Variants in SMURF2 observed in about 807,000 individuals in gnomAD.
The protein encoded by SMURF2 is E3 ubiquitin-protein ligase SMURF2.
SMURF2 carries 48 observed loss-of-function variants against 109.6 expected under a neutral mutation model. The observed-to-expected ratio is 0.44, with a 90% CI of 0.35 to 0.56. SMURF2 has a LOEUF of 0.56. SMURF2 is among the 20% of genes least tolerant of loss of function. The pLI, the probability that SMURF2 is intolerant of heterozygous loss-of-function variation, is 0.01. For synonymous variants in SMURF2, 288 were observed against 317.1 expected, an observed-to-expected ratio of 0.91 and a Z score of 0.97; for missense variants, 575 against 909.0, an observed-to-expected ratio of 0.63 and a Z score of 4.72.
intron 1 of SMURF2, among the ~76,000 whole-genome samples, chr17:64,611,662 C>T (rs1970046257): frequency 6.6e-6 from 1 of 152,182 alleles, no homozygotes; most frequent in Non-Finnish European, 1.5e-5. Context: ...AGTCCACCAT[C>T]TACTGTCTAG....
At chr17:64,582,779 A>T (rs1969594999) in intron 7 of SMURF2, among the ~76,000 whole-genome samples, 1 of 151,938 alleles carries the variant, frequency 6.6e-6, no homozygotes, top group South Asian at 2.1e-4. Flanking sequence ...TTGTATTTTT[A>T]GTAGAGATGG....
Position 64,580,848 on chromosome 17 carries a change from T to C in SMURF2, c.713A>G (p.His238Arg), listed in dbSNP as rs1555686496. The C allele has an allele frequency of 6.2e-7, 1 of 1,614,202 alleles. No homozygotes were observed. The highest frequency in any genetic ancestry group is 8.5e-7 in the Non-Finnish European group (1 of 1,180,026). ...LAERRVRSQR[H>R]RNYMSRTHLH... ...ATGTGTTCTGCTCATGTAATTTCTA[T>C]GTCGTTGTGACCTGACTCTCCTCTC... is the stretch of plus-strand genomic sequence containing the variant. The change falls in exon 8 of 19, where the codon CAT becomes CGT. Residue 238 changes from histidine to arginine, a missense_variant. By Grantham distance (29) the His-to-Arg change is conservative. Around this residue, in one of 5 missense-constraint regions of SMURF2, gnomAD observed 151 missense variants for 178.4 expected, o/e 0.85. Transcript: ENST00000262435.
intron 9 of SMURF2, among the ~76,000 whole-genome samples, chr17:64,575,116 T>C (rs566649857): frequency 1.4e-5 from 2 of 143,496 alleles, no homozygotes; most frequent in South Asian, 4.4e-4. Flanking sequence ...TTAGTAAGCT[T>C]AAAAAAAAAA....
rs782229819 is a variant in SMURF2 at position 64,581,003 on chromosome 17, T to C, written c.570-12A>G. The C allele has an allele frequency of 6.2e-7, 1 of 1,613,182 alleles. No homozygotes were observed. The highest frequency in any genetic ancestry group is 1.1e-5 in the South Asian group (1 of 91,052). ...ATTCGGATGCCGGTCTATTGAAAAT[T>C]AACAAGGAAAAGATGTTATCAATTT... On this transcript the variant is annotated splice_polypyrimidine_tract_variant and intron_variant, in intron 7 of 18. Coordinates refer to ENST00000262435, the MANE Select transcript of SMURF2 (RefSeq NM_022739.4). The surrounding 1 kb of genome is among the most constrained non-coding windows in gnomAD (Gnocchi z 4.3).
chr17:64,636,017 T>C (rs1970411450), intron 1 of SMURF2, among the ~76,000 whole-genome samples: 1 of 152,216 alleles, frequency 6.6e-6, no homozygotes, highest in Admixed American at 6.5e-5. Context: ...CTTCTAGTGG[T>C]CGTGAAGTAG....
At chr17:64,582,602 ATTTGT>A (rs1381938602) in intron 7 of SMURF2, among the ~76,000 whole-genome samples, 3 of 150,596 alleles carry the variant, frequency 2.0e-5, no homozygotes, top group East Asian at 3.9e-4. Context: ...ATTTTATTTT[ATTTGT>A]TTTATTTTTG....
intron 1 of SMURF2, among the ~76,000 whole-genome samples, chr17:64,619,449 G>A (rs1057342638): frequency 4.6e-5 from 6 of 131,294 alleles, no homozygotes; most frequent in Non-Finnish European, 6.1e-5. Flanking sequence ...CTGCACTCCC[G>A]CCTGGGTGAC....
intron 12 of SMURF2, among the ~76,000 whole-genome samples, chr17:64,560,164 A>G (rs573108679): frequency 2.6e-5 from 4 of 152,046 alleles, no homozygotes; most frequent in African/African-American, 9.6e-5. Flanking sequence ...GCAGTGAGCC[A>G]TGATCACACC....
At position 64,542,353 on chromosome 17, in the gene SMURF2, A is replaced by C. The variant is rs185447148; in HGVS notation, c.*3495T>G. On this transcript the variant is annotated 3_prime_UTR_variant, in exon 19 of 19. Coordinates refer to ENST00000262435, the MANE Select transcript of SMURF2 (RefSeq NM_022739.4). The stretch of plus-strand genomic sequence containing the variant: ...TATTGCTCGACTTCGGCATGGGCAC[A>C]TACATAGTTAATTTTTAAAAACCAT... The C allele has an allele frequency of 6.6e-6, 1 of 152,240 alleles. No homozygotes were observed. The highest frequency in any genetic ancestry group is 1.5e-5 in the Non-Finnish European group (1 of 68,040). The allele number at this position is 152,240 out of a possible 1,614,324, so 9.4% of individuals were successfully genotyped here. A position where few individuals can be genotyped will look rare whatever the true frequency, so the allele number is the denominator to read the frequency against.
At chr17:64,588,158 C>T (rs1387154822) in intron 5 of SMURF2, among the ~76,000 whole-genome samples, 13 of 149,942 alleles carry the variant, frequency 8.7e-5, no homozygotes, top group Admixed American at 8.6e-4. Flanking sequence ...AGTATAATCT[C>T]CTCTAAAAAA....
intron 5 of SMURF2, among the ~76,000 whole-genome samples, chr17:64,587,139 G>A (rs577424722): frequency 6.6e-6 from 1 of 152,220 alleles, no homozygotes; most frequent in African/African-American, 2.4e-5. Flanking sequence ...TTGCACCACT[G>A]CACTCTAGCC....
intron 2 of SMURF2, among the ~76,000 whole-genome samples, chr17:64,600,526 A>G (rs1555688462): frequency 1.3e-5 from 2 of 152,202 alleles, no homozygotes; most frequent in South Asian, 4.1e-4. Flanking sequence ...GGACAGACAA[A>G]TCACCTATCA....
At chr17:64,577,977 G>A (rs532372404) in intron 9 of SMURF2, among the ~76,000 whole-genome samples, 77 of 128,616 alleles carry the variant, frequency 6.0e-4, no homozygotes, top group African/African-American at 2.2e-3. Flanking sequence ...ACAGAGTCTC[G>A]CTCTGTGGCC....
At chr17:64,564,691 A>T (rs1404295651) in intron 10 of SMURF2, among the ~76,000 whole-genome samples, 1 of 152,226 alleles carries the variant, frequency 6.6e-6, no homozygotes, top group Non-Finnish European at 1.5e-5. Flanking sequence ...AGGAACACCA[A>T]GGTTTCCAGA....
chr17:64,621,988 A>AATAATAATAATAATAAT (rs57035569), intron 1 of SMURF2, among the ~76,000 whole-genome samples: 16 of 128,254 alleles, frequency 1.2e-4, no homozygotes, highest in African/African-American at 3.7e-4. Flanking sequence ...ATAATAATAA[A>AATAATAATAATAATAAT]AAAAAGCACT....
chr17:64,591,170 A>G (rs1969746846), intron 4 of SMURF2, 21 bp from the exon 5 acceptor site: 1 of 1,602,186 alleles, frequency 6.2e-7, no homozygotes, highest in Admixed American at 1.7e-5. Flanking sequence ...TCAACAAAGA[A>G]AGCAACGAAA....
intron 10 of SMURF2, among the ~76,000 whole-genome samples, chr17:64,569,037 C>T (rs532722492): frequency 1.3e-5 from 2 of 151,852 alleles, no homozygotes; most frequent in Non-Finnish European, 2.9e-5. Flanking sequence ...GTGGCTCACA[C>T]CTGTAATCCC....
chr17:64,596,635 A>G (rs1969823277), intron 3 of SMURF2, among the ~76,000 whole-genome samples: 1 of 151,678 alleles, frequency 6.6e-6, no homozygotes, highest in South Asian at 2.1e-4. Context: ...TAGAAGAGAC[A>G]AAGGAAATTG....
rs545531158 is a variant in SMURF2 at position 64,617,214 on chromosome 17, G to A, written c.53-10574C>T. ...GAATTCTCCTCTTTCAACAGATATA[G>A]TAATTTACCTCAACAATCATATTAG... is the stretch of plus-strand genomic sequence containing the variant. On this transcript the variant is annotated intron_variant, in intron 1 of 18. Coordinates refer to ENST00000262435, the MANE Select transcript of SMURF2 (RefSeq NM_022739.4). Among the ~76,000 whole-genome samples, 3 of 151,720 alleles carry A rather than the reference G, an allele frequency of 2.0e-5. No individual in the cohort carries two copies. In the South Asian group the frequency reaches 6.3e-4, roughly 32 times the overall value.
Sources: allele counts gnomAD v4.1 joint callset (sites outside exome capture counted in the v4.1 genomes callset), GRCh38; gene constraint gnomAD v4.1.1; regional missense constraint gnomAD v4.1.1; non-coding constraint Gnocchi (gnomAD v3.1); transcripts MANE v1.5; gene names NCBI Gene and HGNC (gene_info 2026-07-23, HGNC 2026-07-21).